ZMYM5: variants seen among roughly 807,000 people sequenced by gnomAD.
The protein encoded by ZMYM5 is zinc finger MYM-type containing 5.
ZMYM5 carries 41 observed loss-of-function variants against 61.8 expected under a neutral mutation model. That is an observed-to-expected ratio of 0.66 (90% CI 0.52 to 0.86). The LOEUF is 0.86. Among genes scored for constraint, ZMYM5 ranks in the 40% least tolerant of loss-of-function variants. The pLI is 0.00. For missense variants in ZMYM5, 706 were observed against 786.7 expected (o/e 0.90, Z 1.23); for synonymous variants, 257 against 276.4 (o/e 0.93, Z 0.70).
At position 19,835,488 on chromosome 13, in the gene ZMYM5, C is replaced by T. The variant is rs41292165; in HGVS notation, c.1240G>A (p.Glu414Lys). ...TGAAAAAGAATTACCTGTTTATATT[C>T]GTTAATACAACTTTGGCAGCAAAAT... ...KRFCCQSCIN[E>K]YKQMMETKSK... is the part of the protein sequence containing the mutation. The change falls in exon 7 of 8, where the codon GAA becomes AAA. Residue 414 changes from glutamate to lysine, a missense_variant. Physicochemically the swap from Glu to Lys is moderately conservative, Grantham distance 56. Transcript: ENST00000337963. 31 of 1,367,162 alleles carry T rather than the reference C, an allele frequency of 2.3e-5. No individual in the cohort carries two copies. Among genetic ancestry groups the T allele is most frequent in the South Asian group, 8.0e-5 (7 of 87,976 alleles). 84.7% of individuals were successfully genotyped at this position (1,367,162 alleles called of 1,614,324 possible). A position where few individuals can be genotyped will look rare whatever the true frequency, so the allele number is the denominator to read the frequency against.
intron 1 of ZMYM5, among the ~76,000 whole-genome samples, chr13:19,862,862 C>T (rs1953823286): frequency 6.6e-6 from 1 of 152,224 alleles, no homozygotes; most frequent in African/African-American, 2.4e-5. Flanking sequence ...CACCTCTGGG[C>T]CCACAGTTGC....
At chr13:19,859,740 G>A (rs538433791) in intron 2 of ZMYM5, among the ~76,000 whole-genome samples, 2 of 151,902 alleles carry the variant, frequency 1.3e-5, no homozygotes, top group Non-Finnish European at 1.5e-5. Context: ...AAATAAAACA[G>A]TCAAGAATTA....
At chr13:19,847,267 G>A (rs1216699964) in intron 4 of ZMYM5, among the ~76,000 whole-genome samples, 3 of 151,822 alleles carry the variant, frequency 2.0e-5, no homozygotes, top group Admixed American at 6.6e-5. Context: ...TTAATTATAC[G>A]GTTACAAATC....
intron 2 of ZMYM5, among the ~76,000 whole-genome samples, chr13:19,859,833 G>A (rs1448769955): frequency 6.6e-6 from 1 of 151,604 alleles, no homozygotes. Context: ...GGCCGGGTGT[G>A]GTAGTGGGTG....
intron 4 of ZMYM5, among the ~76,000 whole-genome samples, chr13:19,850,211 T>A (rs1181749285): frequency 6.6e-6 from 1 of 152,198 alleles, no homozygotes; most frequent in Non-Finnish European, 1.5e-5. Flanking sequence ...AGAATAGGAC[T>A]ATCTATATAA....
chr13:19,845,777 C>T (rs1238058724), intron 4 of ZMYM5, among the ~76,000 whole-genome samples: 4 of 152,116 alleles, frequency 2.6e-5, no homozygotes, highest in African/African-American at 9.7e-5. Context: ...ATTTCTGGGC[C>T]AGCTTTCAGT....
chr13:19,859,970 G>A (rs1307720583), intron 2 of ZMYM5, among the ~76,000 whole-genome samples: 4 of 149,494 alleles, frequency 2.7e-5, no homozygotes, highest in African/African-American at 9.8e-5. Context: ...CCAACGTGGT[G>A]GCATGTACCT....
At chr13:19,826,876 A>C (rs890483756) in intron 7 of ZMYM5, among the ~76,000 whole-genome samples, 17 of 152,244 alleles carry the variant, frequency 1.1e-4, no homozygotes, top group Non-Finnish European at 1.8e-4. Context: ...AGATGAAAGA[A>C]TAGATAAAAA....
chr13:19,855,829 G>A (rs2138639679), intron 2 of ZMYM5, among the ~76,000 whole-genome samples: 1 of 151,464 alleles, frequency 6.6e-6, no homozygotes, highest in Non-Finnish European at 1.5e-5. Context: ...GGCTAACACG[G>A]TGAAAACCCA....
At chr13:19,836,844 G>A (rs573048141) in intron 6 of ZMYM5, among the ~76,000 whole-genome samples, 1 of 152,066 alleles carries the variant, frequency 6.6e-6, no homozygotes, top group Non-Finnish European at 1.5e-5. Context: ...CTGCCTGCAT[G>A]CATGTTTCTT....
At chr13:19,856,030 A>C (rs750528168) in intron 2 of ZMYM5, among the ~76,000 whole-genome samples, 19 of 152,064 alleles carry the variant, frequency 1.2e-4, no homozygotes, top group Non-Finnish European at 2.4e-4. Flanking sequence ...AAACAAAAAA[A>C]AAACAAAAAA....
At chr13:19,827,641 C>T (rs181232420) in intron 7 of ZMYM5, among the ~76,000 whole-genome samples, 28 of 152,076 alleles carry the variant, frequency 1.8e-4, no homozygotes, top group African/African-American at 6.3e-4. Context: ...CATTTTACTA[C>T]CATTTACTGA....
At chr13:19,828,046 T>C (rs1236923131) in intron 7 of ZMYM5, among the ~76,000 whole-genome samples, 1 of 139,066 alleles carries the variant, frequency 7.2e-6, no homozygotes, top group African/African-American at 2.7e-5. Flanking sequence ...AAAAAAGATG[T>C]ATAAAATGTG....
chr13:19,850,842 T>C (rs1485813741), intron 4 of ZMYM5, among the ~76,000 whole-genome samples: 1 of 152,174 alleles, frequency 6.6e-6, no homozygotes, highest in Non-Finnish European at 1.5e-5. Context: ...CTGGATAAAA[T>C]AGATTAAAAT....
At chr13:19,839,675 C>G (rs904562722) in intron 4 of ZMYM5, among the ~76,000 whole-genome samples, 1 of 152,162 alleles carries the variant, frequency 6.6e-6, no homozygotes, top group African/African-American at 2.4e-5. Flanking sequence ...CACTCCCAGC[C>G]TAATCACATC....
chr13:19,843,609 G>A (rs1198969247), intron 4 of ZMYM5: 2 of 152,126 alleles, frequency 1.3e-5, no homozygotes, highest in African/African-American at 2.4e-5. Flanking sequence ...GCCAAAGCAG[G>A]TGGATGGCTT....
At chr13:19,839,959 C>T (rs565053385) in intron 4 of ZMYM5, among the ~76,000 whole-genome samples, 1 of 152,262 alleles carries the variant, frequency 6.6e-6, no homozygotes, top group Admixed American at 6.5e-5. Context: ...TACTTATAGG[C>T]GAGATCCTTC....
At chr13:19,841,816 T>TA (rs1952888348) in intron 4 of ZMYM5, 1 of 151,932 alleles carries the variant, frequency 6.6e-6, no homozygotes, top group Admixed American at 6.6e-5. Flanking sequence ...AATATAATCC[T>TA]ATTTTTTTTT....
intron 2 of ZMYM5, among the ~76,000 whole-genome samples, chr13:19,854,505 A>G (rs1303803755): frequency 6.6e-6 from 1 of 151,816 alleles, no homozygotes; most frequent in African/African-American, 2.4e-5. Flanking sequence ...GGCGCCTGTA[A>G]TCCCAGCTAC....
Sources: allele counts gnomAD v4.1 joint callset (sites outside exome capture counted in the v4.1 genomes callset), GRCh38; gene constraint gnomAD v4.1.1; transcripts MANE v1.5; gene names NCBI Gene and HGNC (gene_info 2026-07-23, HGNC 2026-07-21).